The following ARHGEF28 variants were observed in gnomAD, a reference collection of about 807,000 sequenced individuals.
ARHGEF28 encodes the protein Rho guanine nucleotide exchange factor 28.
In ARHGEF28, 152 loss-of-function variants were observed where a neutral mutation model predicts 206.6. The ratio of observed to expected loss-of-function variants is 0.74; its 90% CI spans 0.64 to 0.84. ARHGEF28 has a LOEUF of 0.84. ARHGEF28 is among the 40% of genes least tolerant of loss of function. The probability of loss-of-function intolerance (pLI) is 0.00; values close to 1 mark genes in which losing one functional copy is unlikely to be tolerated. For missense variants in ARHGEF28, 2,028 were observed against 2,073.2 expected (o/e 0.98, Z 0.42); for synonymous variants, 763 against 776.4 (o/e 0.98, Z 0.29).
chr5:73,740,334 TTAGA>T (rs1751309828), intron 2 of ARHGEF28, among the ~76,000 whole-genome samples: 1 of 152,174 alleles, frequency 6.6e-6, no homozygotes, highest in South Asian at 2.1e-4. Context: ...ACACTGAATA[TTAGA>T]TAGTTCTTTA....
intron 22 of ARHGEF28, among the ~76,000 whole-genome samples, chr5:73,878,760 T>G (rs1247072944): frequency 6.6e-6 from 1 of 151,096 alleles, no homozygotes; most frequent in Admixed American, 6.6e-5. Flanking sequence ...GCCCCCAGTC[T>G]CTTCTGGCTT....
intron 1 of ARHGEF28, among the ~76,000 whole-genome samples, chr5:73,648,042 A>G (rs2112157312): frequency 6.6e-6 from 1 of 152,330 alleles, no homozygotes. Context: ...ATTCTTAGGC[A>G]AATGTTTTGA....
chr5:73,922,669 A>G (rs1763583933), intron 35 of ARHGEF28, among the ~76,000 whole-genome samples: 1 of 152,086 alleles, frequency 6.6e-6, no homozygotes, highest in Admixed American at 6.6e-5. Context: ...TCATTTTCAT[A>G]TGGTTCTGTT....
At chr5:73,865,841 C>G in intron 17 of ARHGEF28, 124 bp from the exon 18 acceptor site, 1 of 754,046 alleles carries the variant, frequency 1.3e-6, no homozygotes, top group Non-Finnish European at 2.1e-6. Context: ...CTTTGAATTC[C>G]TCTTGGAAAT....
chr5:73,939,649 G>A (rs1580133205), intron 35 of ARHGEF28, among the ~76,000 whole-genome samples: 2 of 152,302 alleles, frequency 1.3e-5, no homozygotes, highest in Middle Eastern at 6.8e-3. Context: ...GAAATGAGGT[G>A]TGGCAAGGCC....
chr5:73,871,724 C>G (rs1375481264), intron 21 of ARHGEF28, among the ~76,000 whole-genome samples: 3 of 152,216 alleles, frequency 2.0e-5, no homozygotes, highest in Non-Finnish European at 4.4e-5. Context: ...ACATCTTCAT[C>G]ACTTCAAAAA....
intron 1 of ARHGEF28, among the ~76,000 whole-genome samples, chr5:73,659,066 C>T (rs1347996113): frequency 1.3e-5 from 2 of 151,826 alleles, no homozygotes; most frequent in African/African-American, 2.4e-5. Flanking sequence ...CCTGCTTGCC[C>T]CAAACTCTGT....
intron 7 of ARHGEF28, among the ~76,000 whole-genome samples, chr5:73,785,861 A>T (rs183855500): frequency 6.6e-6 from 1 of 152,120 alleles, no homozygotes; most frequent in Non-Finnish European, 1.5e-5. Context: ...GGGTGGAGGC[A>T]GCCGCTCTCA....
intron 1 of ARHGEF28, among the ~76,000 whole-genome samples, chr5:73,638,569 A>T (rs1743866661): frequency 6.6e-6 from 1 of 152,198 alleles, no homozygotes; most frequent in Admixed American, 6.5e-5. Context: ...TAGGGAAAGT[A>T]AATTATAGTG....
chr5:73,845,011 A>ATTTTTT (rs70973277), intron 11 of ARHGEF28, among the ~76,000 whole-genome samples: 18 of 99,364 alleles, frequency 1.8e-4, no homozygotes, highest in African/African-American at 2.4e-4. Flanking sequence ...CAAAGGAATC[A>ATTTTTT]TTTTTTTTTT....
At chr5:73,807,882 C>T (rs1265257187) in intron 9 of ARHGEF28, among the ~76,000 whole-genome samples, 1 of 151,610 alleles carries the variant, frequency 6.6e-6, no homozygotes, top group Non-Finnish European at 1.5e-5. Context: ...ATAATTATTA[C>T]TATTTTCCTG....
At chr5:73,629,035 A>C (rs970927471) in intron 1 of ARHGEF28, among the ~76,000 whole-genome samples, 2 of 152,168 alleles carry the variant, frequency 1.3e-5, no homozygotes, top group Non-Finnish European at 2.9e-5. Flanking sequence ...CTTCATTTAC[A>C]TTCATTCAAC....
intron 9 of ARHGEF28, among the ~76,000 whole-genome samples, chr5:73,804,914 AG>A (rs1755350893): frequency 6.6e-6 from 1 of 152,226 alleles, no homozygotes; most frequent in Non-Finnish European, 1.5e-5. Flanking sequence ...CACTATGTGT[AG>A]CCCACACATA....
At chr5:73,902,336 T>C (rs1170726765) in intron 31 of ARHGEF28, 1 of 152,208 alleles carries the variant, frequency 6.6e-6, no homozygotes, top group African/African-American at 2.4e-5. Context: ...AAGTTTGTGG[T>C]GTCCAACTGT....
intron 2 of ARHGEF28, among the ~76,000 whole-genome samples, chr5:73,742,107 GTCT>G (rs1395051736): frequency 6.6e-6 from 1 of 151,986 alleles, no homozygotes; most frequent in Non-Finnish European, 1.5e-5. Context: ...AATCTGCTTT[GTCT>G]GATATTATTT....
intron 1 of ARHGEF28, among the ~76,000 whole-genome samples, chr5:73,667,562 T>A (rs576503120): frequency 1.3e-5 from 2 of 152,354 alleles, no homozygotes; most frequent in Admixed American, 1.3e-4. Context: ...ATCATCTTGA[T>A]GAATAGACTC....
chr5:73,911,257 C>T lies in ARHGEF28; in HGVS notation c.4648-18C>T. 6.5e-7 allele frequency: 1 copy of T among 1,547,662 alleles called. No individual in the cohort carries two copies. Among genetic ancestry groups the T allele is most frequent in the Non-Finnish European group, 8.8e-7 (1 of 1,142,064 alleles). On this transcript the variant is annotated intron_variant, in intron 34 of 35. Transcript: ENST00000513042. ...AGTTAGAAAAATTATTGTACTTTTCCTCTGTTTCTTTACACAGGTAATGGA... is the reference window on the plus strand; with the variant it reads ...AGTTAGAAAAATTATTGTACTTTTCTTCTGTTTCTTTACACAGGTAATGGA...
At chr5:73,780,015 T>C (rs1753746820) in intron 6 of ARHGEF28, among the ~76,000 whole-genome samples, 1 of 152,202 alleles carries the variant, frequency 6.6e-6, no homozygotes. Context: ...TTAGAACCTG[T>C]GCTGGGGGTG....
At chr5:73,792,224 T>C (rs1754523164) in intron 7 of ARHGEF28, among the ~76,000 whole-genome samples, 2 of 152,226 alleles carry the variant, frequency 1.3e-5, no homozygotes, top group African/African-American at 4.8e-5. Context: ...TGAAGACATA[T>C]ATTTTAATAT....
Sources: gnomAD v4.1 joint callset for allele counts (sites outside exome capture counted in the v4.1 genomes callset) on GRCh38, gnomAD v4.1.1 for gene constraint, MANE v1.5 for transcripts, NCBI Gene and HGNC (gene_info 2026-07-23, HGNC 2026-07-21) for gene names.